The following SLC31A1 variants were observed in gnomAD, a reference collection of about 807,000 sequenced individuals.
The protein encoded by SLC31A1 is high affinity copper uptake protein 1.
Under a neutral mutation model 17.2 loss-of-function variants are expected in SLC31A1, and 5 were observed. The ratio of observed to expected loss-of-function variants is 0.29; its 90% CI spans 0.15 to 0.61. SLC31A1 has a LOEUF of 0.61. Among genes scored for constraint, SLC31A1 ranks in the 20% least tolerant of loss-of-function variants. The pLI, the probability that SLC31A1 is intolerant of heterozygous loss-of-function variation, is 0.86. For synonymous variants in SLC31A1, 76 were observed against 78.8 expected (o/e 0.96, Z 0.19); for missense variants, 161 against 241.4 (o/e 0.67, Z 2.21).
intron 1 of SLC31A1, among the ~76,000 whole-genome samples, chr9:113,253,958 C>CTTTTTTTTTTT (rs397967653): frequency 4.5e-5 from 5 of 110,392 alleles, no homozygotes; most frequent in African/African-American, 7.1e-5. Flanking sequence ...TACCCACAGT[C>CTTTTTTTTTTT]TTTTTTTTTT....
At chr9:113,232,996 G>A (rs999486082) in intron 1 of SLC31A1, among the ~76,000 whole-genome samples, 1 of 152,184 alleles carries the variant, frequency 6.6e-6, no homozygotes, top group Non-Finnish European at 1.5e-5. Flanking sequence ...AACTTCCTGT[G>A]TTTAGACACT....
intron 1 of SLC31A1, among the ~76,000 whole-genome samples, chr9:113,244,912 A>G (rs780871674): frequency 3.9e-5 from 6 of 152,198 alleles, no homozygotes; most frequent in Non-Finnish European, 8.8e-5. Flanking sequence ...TATAATTGTA[A>G]GGTATTTTAC....
intron 1 of SLC31A1, among the ~76,000 whole-genome samples, chr9:113,255,322 A>G (rs554763139): frequency 6.6e-5 from 10 of 152,344 alleles, no homozygotes; most frequent in African/African-American, 1.9e-4. Flanking sequence ...ATTCATTTGT[A>G]TCTTATTACA....
chr9:113,246,947 T>C (rs1831587490), intron 1 of SLC31A1, among the ~76,000 whole-genome samples: 1 of 152,196 alleles, frequency 6.6e-6, no homozygotes, highest in African/African-American at 2.4e-5. Context: ...ACCAAGATAA[T>C]TTTAAAATTC....
At chr9:113,232,691 A>AC (rs958806759) in intron 1 of SLC31A1, among the ~76,000 whole-genome samples, 5 of 151,430 alleles carry the variant, frequency 3.3e-5, no homozygotes, top group African/African-American at 1.2e-4. Context: ...AAAAAAAAAA[A>AC]AAACTAGTCA....
At chr9:113,245,568 C>T (rs1401467807) in intron 1 of SLC31A1, among the ~76,000 whole-genome samples, 1 of 152,050 alleles carries the variant, frequency 6.6e-6, no homozygotes, top group Non-Finnish European at 1.5e-5. Flanking sequence ...TTGTATTTCC[C>T]CTCCCACTTA....
chr9:113,234,688 C>G (rs1014561086), intron 1 of SLC31A1, among the ~76,000 whole-genome samples: 4 of 152,016 alleles, frequency 2.6e-5, no homozygotes, highest in African/African-American at 9.6e-5. Context: ...AGTGGTGTGG[C>G]ATAGGGTCCA....
At chr9:113,244,261 T>C (rs1488416706) in intron 1 of SLC31A1, among the ~76,000 whole-genome samples, 1 of 151,876 alleles carries the variant, frequency 6.6e-6, no homozygotes, top group Non-Finnish European at 1.5e-5. Flanking sequence ...TTTGCCTAGA[T>C]CATTGGCCAC....
intron 1 of SLC31A1, among the ~76,000 whole-genome samples, chr9:113,249,806 C>T (rs908938190): frequency 6.6e-6 from 1 of 151,668 alleles, no homozygotes; most frequent in Non-Finnish European, 1.5e-5. Flanking sequence ...CCAGAATCTA[C>T]AATGAACTCA....
At chr9:113,248,205 T>C (rs1831604858) in intron 1 of SLC31A1, among the ~76,000 whole-genome samples, 1 of 151,932 alleles carries the variant, frequency 6.6e-6, no homozygotes, top group Non-Finnish European at 1.5e-5. Context: ...GCACCTGTAG[T>C]CCCGGCTACT....
rs752555846 is a variant in SLC31A1, at chr9:113,258,699, G to A, written c.208G>A (p.Ala70Thr). ...TATTTTCCTTCCATACTTAGAAATG[G>A]CTGGAGCTTTTGTGGCAGTGTTTTT... ...GLVINTAGEM[A>T]GAFVAVFLLA... The change falls in exon 4 of 5, where the codon GCT (alanine) becomes ACT (threonine). Residue 70 changes from alanine (A) to threonine (T), a missense_variant. By Grantham distance (58) the Ala-to-Thr change is moderately conservative. Coordinates refer to ENST00000374212, the MANE Select transcript of SLC31A1 (RefSeq NM_001859.4). This position sits in a 1 kb window ranked among gnomAD's most constrained non-coding sequence, Gnocchi z 4.8. 1.2e-6 allele frequency: 2 copies of A among 1,614,002 alleles called. No individual in the cohort carries two copies. The highest frequency in any genetic ancestry group is 2.7e-5 in the African/African-American group (2 of 74,914).
At position 113,263,430 on chromosome 9, in the gene SLC31A1, G is replaced by C. The variant is rs540496746; in HGVS notation, c.*2957G>C. The C allele has an allele frequency of 6.5e-6, 1 of 152,740 alleles. No homozygotes were observed. The highest frequency in any genetic ancestry group is 2.4e-5 in the African/African-American group (1 of 41,562). 9.5% of individuals were successfully genotyped at this position (152,740 alleles called of 1,614,324 possible). ...TATACCTGTTCATTTGGAATTTAAT[G>C]CTTGACTTCTTTGTTCATTTTGGAT... On this transcript the variant is annotated 3_prime_UTR_variant, in exon 5 of 5. Transcript: ENST00000374212.
intron 1 of SLC31A1, among the ~76,000 whole-genome samples, chr9:113,242,205 A>T (rs1419016003): frequency 6.6e-6 from 1 of 152,012 alleles, no homozygotes; most frequent in Admixed American, 6.6e-5. Flanking sequence ...AAAAAACTAG[A>T]CGTTGGAGTA....
At chr9:113,243,520 T>C (rs1257036741) in intron 1 of SLC31A1, among the ~76,000 whole-genome samples, 1 of 151,108 alleles carries the variant, frequency 6.6e-6, no homozygotes, top group East Asian at 2.0e-4. Flanking sequence ...TAGAAGGGGA[T>C]GACCTTCAAC....
chr9:113,231,424 CA>C (rs1207616353), intron 1 of SLC31A1, among the ~76,000 whole-genome samples: 1 of 152,020 alleles, frequency 6.6e-6, no homozygotes, highest in East Asian at 1.9e-4. Context: ...ATTAGCTGAG[CA>C]TAATGGTATG....
chr9:113,252,752 G>A (rs987179528), intron 1 of SLC31A1, among the ~76,000 whole-genome samples: 1 of 152,092 alleles, frequency 6.6e-6, no homozygotes, highest in Non-Finnish European at 1.5e-5. Flanking sequence ...AGGCACTCTT[G>A]CAAATATTCA....
In SLC31A1 at chr9:113,247,564, A is replaced by C. The variant is rs145069793; in HGVS notation, c.-35-8550A>C. Among the ~76,000 whole-genome samples, 913 of 152,286 alleles carry C rather than the reference A, an allele frequency of 6.0e-3. 10 individuals are homozygous for C. The highest frequency in any genetic ancestry group is 0.021 in the African/African-American group (858 of 41,574). ...TTCCCTAACTTCTGACCATAAATTC[A>C]TATGTATTTTTGTTAAACATATTAG... On this transcript the variant is annotated intron_variant, in intron 1 of 4. Coordinates refer to ENST00000374212, the MANE Select transcript of SLC31A1 (RefSeq NM_001859.4).
At chr9:113,237,494 GA>G (rs1166418573) in intron 1 of SLC31A1, among the ~76,000 whole-genome samples, 1 of 151,564 alleles carries the variant, frequency 6.6e-6, no homozygotes, top group Admixed American at 6.6e-5. Context: ...GTTGCCCTTA[GA>G]ACGCAAAAAA....
Position 113,260,551 on chromosome 9 carries a change from T to G in SLC31A1, c.*78T>G. ...CTTGAAGACGTGATTCCTGCTCCAA[T>G]CATCCCTTCTTGCTCCTCTTTGTGC... On this transcript the variant is annotated 3_prime_UTR_variant, in exon 5 of 5. Coordinates refer to ENST00000374212, the MANE Select transcript of SLC31A1 (RefSeq NM_001859.4). The G allele has an allele frequency of 9.0e-7, 1 of 1,117,128 alleles. No homozygotes were observed. Among genetic ancestry groups the G allele is most frequent in the Non-Finnish European group, 1.3e-6 (1 of 748,530 alleles). The allele number at this position is 1,117,128 out of a possible 1,614,324, so 69.2% of individuals were successfully genotyped here.
Sources: gnomAD v4.1 joint callset for allele counts (sites outside exome capture counted in the v4.1 genomes callset) on GRCh38, gnomAD v4.1.1 for gene constraint, Gnocchi (gnomAD v3.1) non-coding constraint, MANE v1.5 for transcripts, NCBI Gene and HGNC (gene_info 2026-07-23, HGNC 2026-07-21) for gene names.